TRAPPC12: variants seen among roughly 807,000 people sequenced by gnomAD.
TRAPPC12 encodes the protein TPR repeat protein 15.
A neutral mutation model predicts 69.2 loss-of-function variants in TRAPPC12; 61 were observed. The observed-to-expected ratio is 0.88, with a 90% CI of 0.72 to 1.09. The LOEUF (loss-of-function observed/expected upper bound fraction) is 1.09, where lower values mean the gene tolerates loss of function less well. Among genes scored for constraint, TRAPPC12 ranks in the 50% least tolerant of loss-of-function variants. The probability of loss-of-function intolerance (pLI) is 0.00; values close to 1 mark genes in which losing one functional copy is unlikely to be tolerated. For missense variants in TRAPPC12, 1,101 were observed against 1,016.4 expected (o/e 1.08, Z -1.13); for synonymous variants, 469 against 438.9 (o/e 1.07, Z -0.86).
In TRAPPC12 at chr2:3,452,315, C is replaced by T. The variant is rs986783984; in HGVS notation, c.1531-5306C>T. ...GAGGAGGAAGCCACAGTGCCTTGCA[C>T]GGCCGGGTCTCAGAGGTCTCTATGT... On this transcript the variant is annotated intron_variant, in intron 6 of 11. Coordinates refer to ENST00000324266, the MANE Select transcript of TRAPPC12 (RefSeq NM_016030.6). 4.6e-5 allele frequency among the ~76,000 whole-genome samples: 7 copies of T among 152,328 alleles called. No individual in the cohort carries two copies. The South Asian group carries it at 6.2e-4, about 14-fold the overall frequency.
At chr2:3,400,482 A>G (rs1202438723) in intron 2 of TRAPPC12, among the ~76,000 whole-genome samples, 1 of 151,642 alleles carries the variant, frequency 6.6e-6, no homozygotes, top group Non-Finnish European at 1.5e-5. Flanking sequence ...CCCCTGCCTC[A>G]GGTGTTTCAG....
chr2:3,436,982 T>G (rs1466065094), intron 5 of TRAPPC12, among the ~76,000 whole-genome samples: 1 of 49,070 alleles, frequency 2.0e-5, no homozygotes, highest in Non-Finnish European at 3.8e-5. Flanking sequence ...CAATCACCCC[T>G]GGATTAATCC....
chr2:3,450,478 T>G (rs1357339341), intron 6 of TRAPPC12, among the ~76,000 whole-genome samples: 1 of 152,222 alleles, frequency 6.6e-6, no homozygotes, highest in Admixed American at 6.5e-5. Context: ...GCCGGCTGCA[T>G]GACCAGCCCT....
chr2:3,433,035 G>GTTTGTTTGTTTGTTTGTTTGTTTGTT (rs1663527977), intron 5 of TRAPPC12, among the ~76,000 whole-genome samples: 2 of 151,646 alleles, frequency 1.3e-5, no homozygotes, highest in Non-Finnish European at 2.9e-5. Context: ...CACTGTTTTT[G>GTTTGTTTGTTTGTTTGTTTGTTTGTT]TGTTTGGTTT....
At chr2:3,465,837 G>T (rs1277626381) in intron 9 of TRAPPC12, 142 bp downstream of exon 9, 40 of 669,758 alleles carry the variant, frequency 6.0e-5, no homozygotes, top group Non-Finnish European at 8.4e-5. Context: ...ACCATGAAAA[G>T]GGTGGGTTCT....
intron 3 of TRAPPC12, among the ~76,000 whole-genome samples, chr2:3,418,055 AAAAAC>A (rs573870542): frequency 0.29 from 38,650 of 131,852 alleles, 5,959 homozygotes; most frequent in Middle Eastern, 0.37. Context: ...AAAAAAAAAA[AAAAAC>A]ATTGTCATAG....
chr2:3,421,944 GGCTACGGCAAGA>G lies in TRAPPC12; in HGVS notation c.1231_1242del (p.Tyr411_Ser414del), dbSNP rs1662816834. The G allele has an allele frequency of 4.3e-6, 7 of 1,613,644 alleles. No individual in the cohort carries two copies. The highest frequency in any genetic ancestry group is 5.9e-6 in the Non-Finnish European group (7 of 1,179,998). ...ACGTCTCCTCACAGCCCACGGCCAGGGCTACGGCAAGAGCGGGCTGCTCACCAGCCACACGAC... is the reference window on the plus strand; with the variant it reads ...ACGTCTCCTCACAGCCCACGGCCAGGGCGGGCTGCTCACCAGCCACACGAC... On this transcript the variant is annotated inframe_deletion, in exon 4 of 12. Coordinates refer to ENST00000324266, the MANE Select transcript of TRAPPC12 (RefSeq NM_016030.6).
chr2:3,474,819 G>A (rs1292278929), intron 9 of TRAPPC12, among the ~76,000 whole-genome samples: 1 of 152,190 alleles, frequency 6.6e-6, no homozygotes, highest in Non-Finnish European at 1.5e-5. Flanking sequence ...TGCCTTTGCT[G>A]AGCACATGAG....
intron 5 of TRAPPC12, among the ~76,000 whole-genome samples, chr2:3,433,747 C>A (rs976205565): frequency 1.3e-5 from 2 of 152,192 alleles, no homozygotes; most frequent in South Asian, 2.1e-4. Flanking sequence ...TTAATGTTTT[C>A]TAAATGATGA....
chr2:3,387,538 T>C (rs949684876), intron 1 of TRAPPC12, 82 bp from the exon 2 acceptor site: 7 of 1,112,072 alleles, frequency 6.3e-6, no homozygotes, highest in Non-Finnish European at 6.3e-6. Context: ...CTGCGTCATT[T>C]GAATCTATAA....
chr2:3,465,820 G>T, intron 9 of TRAPPC12, 125 bp downstream of exon 9: 1 of 723,426 alleles, frequency 1.4e-6, no homozygotes, highest in Non-Finnish European at 2.4e-6. Context: ...CAATTCAAAT[G>T]TATGTGACCA....
At chr2:3,473,255 G>T (rs1156884326) in intron 9 of TRAPPC12, among the ~76,000 whole-genome samples, 1 of 152,224 alleles carries the variant, frequency 6.6e-6, no homozygotes, top group Non-Finnish European at 1.5e-5. Flanking sequence ...ACGGGAAGAG[G>T]AGCTGGTGAA....
At chr2:3,431,780 A>G (rs1166200735) in intron 5 of TRAPPC12, among the ~76,000 whole-genome samples, 1 of 152,210 alleles carries the variant, frequency 6.6e-6, no homozygotes, top group Admixed American at 6.5e-5. Context: ...CAGTATTGGT[A>G]CAGCATTATT....
intron 3 of TRAPPC12, among the ~76,000 whole-genome samples, chr2:3,418,840 T>G (rs1254533050): frequency 6.6e-6 from 1 of 152,218 alleles, no homozygotes; most frequent in Non-Finnish European, 1.5e-5. Flanking sequence ...GACACGACAC[T>G]GCTGTGGCCT....
At chr2:3,417,276 T>C (rs1479560340) in intron 3 of TRAPPC12, among the ~76,000 whole-genome samples, 4 of 152,174 alleles carry the variant, frequency 2.6e-5, no homozygotes, top group South Asian at 2.1e-4. Context: ...AGTGTTTTAT[T>C]GGTTAGTTTG....
In TRAPPC12 at chr2:3,407,822, A is replaced by G. The variant is rs189758873; in HGVS notation, c.1164+5929A>G. Among the ~76,000 whole-genome samples the G allele has an allele frequency of 2.6e-3, 401 of 152,214 alleles. 3 individuals carry two copies. The highest frequency in any genetic ancestry group is 4.9e-3 in the Non-Finnish European group (333 of 68,000). On this transcript the variant is annotated intron_variant, in intron 3 of 11. Transcript: ENST00000324266. ...AAAAAAGAAAAAAAAGAAAAAGAAA[A>G]TGGAGGAGGGCCACCAGGAAGGGGA...
chr2:3,450,700 C>G (rs1255392231), intron 6 of TRAPPC12, among the ~76,000 whole-genome samples: 1 of 152,120 alleles, frequency 6.6e-6, no homozygotes, highest in Non-Finnish European at 1.5e-5. Context: ...ACTGGAAGGT[C>G]GCAGGACTTT....
chr2:3,450,803 G>C (rs930332012), intron 6 of TRAPPC12, among the ~76,000 whole-genome samples: 1 of 152,038 alleles, frequency 6.6e-6, no homozygotes, highest in African/African-American at 2.4e-5. Context: ...CCTTGGCTTA[G>C]TGCCAGCTTC....
chr2:3,401,924 G>T (rs1223199572), intron 3 of TRAPPC12, 31 bp downstream of exon 3: 1 of 1,440,082 alleles, frequency 6.9e-7, no homozygotes, highest in Non-Finnish European at 9.5e-7. Context: ...TTTCAGTGTT[G>T]TTTTGTGATA....
Sources: allele counts gnomAD v4.1 joint callset (sites outside exome capture counted in the v4.1 genomes callset), GRCh38; gene constraint gnomAD v4.1.1; transcripts MANE v1.5; gene names NCBI Gene and HGNC (gene_info 2026-07-23, HGNC 2026-07-21).